ZNF91: variants seen among roughly 807,000 people sequenced by gnomAD.
The protein encoded by ZNF91 is zinc finger protein 91 (HPF7, HTF10).
A neutral mutation model predicts 12.6 loss-of-function variants in ZNF91; 7 were observed. The observed-to-expected ratio is 0.55, with a 90% confidence interval of 0.31 to 1.04. The LOEUF is 1.04. Among genes scored for constraint, ZNF91 ranks in the 50% least tolerant of loss-of-function variants. The pLI is 0.05. For synonymous variants in ZNF91, 453 were observed against 462.6 expected (o/e 0.98, Z 0.27); for missense variants, 1,217 against 1,385.4 (o/e 0.88, Z 1.93).
chr19:23,388,963 CACAGAGGGGAACA>C (rs1317174694), intron 1 of ZNF91, among the ~76,000 whole-genome samples: 1 of 152,050 alleles, frequency 6.6e-6, no homozygotes, highest in Non-Finnish European at 1.5e-5. Flanking sequence ...AAAACATGAA[CACAGAGGGGAACA>C]ACAGACACTG....
downstream of ZNF91, among the ~76,000 whole-genome samples, chr19:23,335,520 G>A (rs562336812): frequency 2.0e-5 from 3 of 152,292 alleles, no homozygotes; most frequent in South Asian, 4.1e-4. Flanking sequence ...AAGCCTCAGC[G>A]ATGGTGGACG....
chr19:23,384,310 G>C (rs1463243577), intron 1 of ZNF91, among the ~76,000 whole-genome samples: 1 of 152,006 alleles, frequency 6.6e-6, no homozygotes, highest in African/African-American at 2.4e-5. Flanking sequence ...AAGGGACCTG[G>C]GGAGCTGCAG....
chr19:23,323,895 C>G (rs918069428), intron 1 of ZNF91: 1 of 147,530 alleles, frequency 6.8e-6, no homozygotes. Flanking sequence ...TTCTCCTCCT[C>G]TCCTCTTTCT....
downstream of ZNF91, among the ~76,000 whole-genome samples, chr19:23,337,400 G>A (rs1315425749): frequency 6.6e-6 from 1 of 150,878 alleles, no homozygotes; most frequent in East Asian, 1.9e-4. Context: ...CTCATACAGA[G>A]TCTTTCCCAC....
chr19:23,342,852 T>C (rs1599703083), intron 3 of ZNF91, among the ~76,000 whole-genome samples: 1 of 152,048 alleles, frequency 6.6e-6, no homozygotes, highest in East Asian at 1.9e-4. Context: ...CCCACTCCTC[T>C]TGAGAGAATT....
intron 1 of ZNF91, among the ~76,000 whole-genome samples, chr19:23,317,858 T>A (rs1256203900): frequency 6.6e-6 from 1 of 152,188 alleles, no homozygotes; most frequent in Non-Finnish European, 1.5e-5. Context: ...AGACCCAACA[T>A]AGAGGAGATG....
chr19:23,331,742 T>C (rs968180468), intron 1 of ZNF91, among the ~76,000 whole-genome samples: 29 of 152,228 alleles, frequency 1.9e-4, no homozygotes, highest in African/African-American at 7.0e-4. Flanking sequence ...TGGTCATGTG[T>C]TTGTTTTGTG....
intron 3 of ZNF91, chr19:23,342,248 A>G (rs1968140280): frequency 6.1e-6 from 3 of 492,376 alleles, no homozygotes; most frequent in Non-Finnish European, 7.4e-6. Flanking sequence ...ATCAGATCAG[A>G]GTTAGAGACA....
At chr19:23,345,283 C>T (rs1196578674) in intron 3 of ZNF91, among the ~76,000 whole-genome samples, 1 of 152,124 alleles carries the variant, frequency 6.6e-6, no homozygotes, top group Non-Finnish European at 1.5e-5. Context: ...TTCCAAAGGA[C>T]ATCCTTCTAG....
intron 1 of ZNF91, among the ~76,000 whole-genome samples, chr19:23,319,581 T>C (rs1967641349): frequency 6.6e-6 from 1 of 152,198 alleles, no homozygotes; most frequent in Non-Finnish European, 1.5e-5. Context: ...TATATCTGCA[T>C]ACACTACCTA....
intron 1 of ZNF91, among the ~76,000 whole-genome samples, chr19:23,316,166 ATTT>A (rs34486796): frequency 7.3e-6 from 1 of 137,728 alleles, no homozygotes; most frequent in African/African-American, 2.7e-5. Context: ...AGGTGAGGTG[ATTT>A]TTTTTTTTTT....
At chr19:23,323,623 CCT>C (rs1366756526) in intron 1 of ZNF91, among the ~76,000 whole-genome samples, 1 of 145,244 alleles carries the variant, frequency 6.9e-6, no homozygotes, top group Non-Finnish European at 1.5e-5. Context: ...TTTCTCTTCT[CCT>C]TTCTCCTCCT....
chr19:23,329,997 G>A (rs576380168), intron 1 of ZNF91, among the ~76,000 whole-genome samples: 80 of 152,280 alleles, frequency 5.3e-4, no homozygotes, highest in Non-Finnish European at 9.3e-4. Flanking sequence ...TCTTCCGTGT[G>A]AATTAGGCCA....
intron 1 of ZNF91, among the ~76,000 whole-genome samples, chr19:23,376,458 C>T (rs543342094): frequency 6.6e-6 from 1 of 151,208 alleles, no homozygotes; most frequent in East Asian, 2.0e-4. Flanking sequence ...GGCACGATCT[C>T]GGCTCACCAC....
chr19:23,385,102 C>A, intron 1 of ZNF91: 2 of 844,052 alleles, frequency 2.4e-6, no homozygotes, highest in Non-Finnish European at 4.0e-6. Context: ...CTCCTCCAAC[C>A]TGTCCGAACA....
In ZNF91 at chr19:23,362,738, A is replaced by C. The variant is rs1968864610; in HGVS notation, c.254-13T>G. On this transcript the variant is annotated splice_polypyrimidine_tract_variant and intron_variant, in intron 3 of 3. Transcript: ENST00000300619. ...TGAGGACATATACCTGAAAAAAAAA[A>C]ACTAAAAATAATAAATTACTCCACT... 2.1e-6 allele frequency: 3 copies of C among 1,430,340 alleles called. No individual in the cohort carries two copies. The highest frequency in any genetic ancestry group is 1.4e-5 in the African/African-American group (1 of 69,624). The allele number at this position is 1,430,340 out of a possible 1,614,324, so 88.6% of individuals were successfully genotyped here.
chr19:23,318,744 T>C (rs2145852856), intron 1 of ZNF91, among the ~76,000 whole-genome samples: 1 of 152,286 alleles, frequency 6.6e-6, no homozygotes, highest in South Asian at 2.1e-4. Flanking sequence ...GTAGAGTGAA[T>C]TATCCCTAAG....
Position 23,359,083 on chromosome 19 carries a change from C to G in ZNF91, c.*320G>C. 2 of 548,782 alleles carry G rather than the reference C, an allele frequency of 3.6e-6. No homozygotes were observed. Among genetic ancestry groups the G allele is most frequent in the Non-Finnish European group, 3.5e-6 (1 of 286,020 alleles). The allele number at this position is 548,782 out of a possible 1,614,324, so 34.0% of individuals were successfully genotyped here. ...CTTATGTCTGGTTAGGGCTGAGGAC[C>G]AGAAAAAGGATTTGCCACATTCTTC... is the stretch of plus-strand genomic sequence containing the variant. On this transcript the variant is annotated 3_prime_UTR_variant, in exon 4 of 4. Transcript: ENST00000300619.
chr19:23,381,204 C>T (rs972216107), intron 1 of ZNF91, among the ~76,000 whole-genome samples: 8 of 151,998 alleles, frequency 5.3e-5, no homozygotes, highest in African/African-American at 1.9e-4. Flanking sequence ...AAATTTTCTG[C>T]AACTATAATT....
Sources: allele counts gnomAD v4.1 joint callset (sites outside exome capture counted in the v4.1 genomes callset), GRCh38; gene constraint gnomAD v4.1.1; transcripts MANE v1.5; gene names NCBI Gene and HGNC (gene_info 2026-07-23, HGNC 2026-07-21).